COL6A5: variants seen among roughly 807,000 people sequenced by gnomAD.
COL6A5 encodes collagen alpha-5(VI) chain.
COL6A5 carries 48 observed loss-of-function variants against 65.6 expected under a neutral mutation model. That is an observed-to-expected ratio of 0.73 (90% CI 0.58 to 0.93). The LOEUF is 0.93. Among genes scored for constraint, COL6A5 ranks in the 40% least tolerant of loss-of-function variants. The pLI, the probability that COL6A5 is intolerant of heterozygous loss-of-function variation, is 0.00. For synonymous variants in COL6A5, 291 were observed against 322.8 expected, an observed-to-expected ratio of 0.90 and a Z score of 1.05; for missense variants, 914 against 928.3, an observed-to-expected ratio of 0.98 and a Z score of 0.20.
chr3:130,451,043 T>G (rs1311443259), intron 4 of COL6A5, among the ~76,000 whole-genome samples: 2 of 152,106 alleles, frequency 1.3e-5, no homozygotes, highest in Non-Finnish European at 2.9e-5. Flanking sequence ...TAAAGTGACC[T>G]CCATACAAAA....
intron 5 of COL6A5, among the ~76,000 whole-genome samples, chr3:130,464,612 T>C (rs1709772921): frequency 6.6e-6 from 1 of 152,096 alleles, no homozygotes; most frequent in South Asian, 2.1e-4. Flanking sequence ...ATCTTCACAA[T>C]TCCTAACACA....
chr3:130,379,998 A>C, exon 4 of COL6A5: 1 of 1,550,102 alleles, frequency 6.5e-7, no homozygotes, highest in Non-Finnish European at 8.7e-7. Context: ...TCCAGAATGA[A>C]ATATGGTCCC....
In COL6A5 at chr3:130,388,771, T is replaced by C. The variant is rs1230969079; in HGVS notation, c.2053T>C (p.Tyr685His). The C allele has an allele frequency of 2.6e-6, 4 of 1,551,240 alleles. No homozygotes were observed. In the African/African-American group the frequency reaches 5.5e-5, roughly 21 times the overall value. Reference sequence around the variant, plus strand: ...TAAGGAAGAGTTCCAGCTTAATAGATATTTTACACAGCAAGAAATTTCTGA... The same window carrying C: ...TAAGGAAGAGTTCCAGCTTAATAGACATTTTACACAGCAAGAAATTTCTGA... The change falls in exon 6 of 42, where the codon TAT (tyrosine) becomes CAT (histidine). Residue 685 changes from tyrosine (Y) to histidine (H), a missense_variant and NMD_transcript_variant. Coordinates refer to the COL6A5 transcript ENST00000312481.
chr3:130,406,973 T>C (rs908924267), intron 17 of COL6A5, among the ~76,000 whole-genome samples: 3 of 152,254 alleles, frequency 2.0e-5, no homozygotes, highest in African/African-American at 7.2e-5. Context: ...CACAGTATAG[T>C]TGGGGAGACA....
At chr3:130,366,931 T>A (rs1935362124) in intron 1 of COL6A5, among the ~76,000 whole-genome samples, 3 of 152,348 alleles carry the variant, frequency 2.0e-5, no homozygotes, top group Non-Finnish European at 2.9e-5. Context: ...AGGGGGCTAA[T>A]GTTTGTGGCT....
chr3:130,349,233 G>T (rs1207644941), intron 1 of COL6A5, among the ~76,000 whole-genome samples: 1 of 152,008 alleles, frequency 6.6e-6, no homozygotes, highest in Non-Finnish European at 1.5e-5. Context: ...TTATTATTTT[G>T]GAAAATAATA....
intron 25 of COL6A5, among the ~76,000 whole-genome samples, chr3:130,420,327 G>T (rs1308127608): frequency 6.6e-6 from 1 of 152,012 alleles, no homozygotes; most frequent in South Asian, 2.1e-4. Flanking sequence ...TGTATCGTGA[G>T]CATATTTTCA....
At chr3:130,399,897 T>A (rs2107662930) in intron 10 of COL6A5, among the ~76,000 whole-genome samples, 1 of 152,108 alleles carries the variant, frequency 6.6e-6, no homozygotes, top group East Asian at 1.9e-4. Context: ...GGATTACAGG[T>A]GCCCACCACC....
chr3:130,462,771 G>T (rs1055302654), intron 5 of COL6A5, among the ~76,000 whole-genome samples: 1 of 152,058 alleles, frequency 6.6e-6, no homozygotes, highest in Non-Finnish European at 1.5e-5. Flanking sequence ...GGAAGAAAAC[G>T]TTCTCTGGTG....
chr3:130,355,791 T>A (rs1398871338), intron 1 of COL6A5, among the ~76,000 whole-genome samples: 2 of 151,890 alleles, frequency 1.3e-5, no homozygotes, highest in East Asian at 3.9e-4. Flanking sequence ...AAACATATAT[T>A]TTGTAATATA....
chr3:130,476,271 G>A (rs147514932), intron 7 of COL6A5, among the ~76,000 whole-genome samples: 110 of 152,072 alleles, frequency 7.2e-4, no homozygotes, highest in African/African-American at 2.3e-3. Context: ...TAAGAGTAAC[G>A]GTTCCGTAAA....
chr3:130,484,040 G>A (rs1710316550), exon 8 of COL6A5: 1 of 1,608,714 alleles, frequency 6.2e-7, no homozygotes, highest in Non-Finnish European at 8.5e-7. Context: ...TGCAGATGGT[G>A]AAGATACAAG....
In COL6A5 at chr3:130,350,054, T is replaced by G. The variant is rs1418142311; in HGVS notation, c.-29+4073T>G. ...TACTTTCCTGCTGGGTAATCCATCT[T>G]CCACATATATCTCATTGGCTAACCT... On this transcript the variant is annotated intron_variant and NMD_transcript_variant, in intron 1 of 41. Coordinates refer to the COL6A5 transcript ENST00000312481. Among the ~76,000 whole-genome samples the G allele has an allele frequency of 3.9e-5, 6 of 152,216 alleles. No homozygotes were observed. In the East Asian group the frequency reaches 1.2e-3, roughly 29 times the overall value.
At chr3:130,425,283 T>A (rs1937582266) in intron 29 of COL6A5, among the ~76,000 whole-genome samples, 1 of 152,154 alleles carries the variant, frequency 6.6e-6, no homozygotes, top group Non-Finnish European at 1.5e-5. Context: ...AGCAGACCTT[T>A]AACTGTTTAT....
intron 5 of COL6A5, among the ~76,000 whole-genome samples, chr3:130,467,625 G>A (rs1709848151): frequency 6.6e-6 from 1 of 151,984 alleles, no homozygotes; most frequent in South Asian, 2.1e-4. Context: ...ATTTATACTG[G>A]AAGGCAGGGC....
rs560392851 is a variant in COL6A5, at chr3:130,461,028, A to G, written c.1544+5362A>G. 2.5e-4 allele frequency among the ~76,000 whole-genome samples: 38 copies of G among 152,122 alleles called. 3 individuals carry two copies. In the South Asian group the frequency reaches 5.0e-3, roughly 20 times the overall value. On this transcript the variant is annotated intron_variant, in intron 5 of 7. Coordinates refer to ENST00000512836, the Ensembl canonical transcript of COL6A5. ...TATGAAAAGACTCTTAAATTTTTGCATGGAGTTTTCCTTAACTATTCAGAC... is the reference window on the plus strand; with the variant it reads ...TATGAAAAGACTCTTAAATTTTTGCGTGGAGTTTTCCTTAACTATTCAGAC...
At chr3:130,391,653 T>C in exon 7 of COL6A5, 1 of 1,551,660 alleles carries the variant, frequency 6.4e-7, no homozygotes, top group Non-Finnish European at 8.7e-7. Flanking sequence ...CTTGAGGGTA[T>C]GGCAGGGAAT....
chr3:130,461,082 G>A (rs567435837), intron 5 of COL6A5, among the ~76,000 whole-genome samples: 1 of 152,030 alleles, frequency 6.6e-6, no homozygotes, highest in South Asian at 2.1e-4. Context: ...TATGTCTTTG[G>A]GTCCTGTTCT....
At chr3:130,442,297 G>A (rs762910867) in intron 3 of COL6A5, among the ~76,000 whole-genome samples, 8 of 152,090 alleles carry the variant, frequency 5.3e-5, no homozygotes, top group Non-Finnish European at 1.2e-4. Context: ...GCAGGTTAAG[G>A]CACTCCTAAA....
Sources: allele counts gnomAD v4.1 joint callset (sites outside exome capture counted in the v4.1 genomes callset), GRCh38; gene constraint gnomAD v4.1.1; transcripts MANE v1.5; gene names NCBI Gene and HGNC (gene_info 2026-07-23, HGNC 2026-07-21).